Variants in INPP5A observed in about 807,000 individuals in gnomAD.
INPP5A encodes inositol polyphosphate-5-phosphatase A.
Under a neutral mutation model 65.2 loss-of-function variants are expected in INPP5A, and 14 were observed. That is an observed-to-expected ratio of 0.21 (90% confidence interval 0.14 to 0.34). The LOEUF is 0.34. Among genes scored for constraint, INPP5A ranks in the 10% least tolerant of loss-of-function variants. INPP5A has a pLI of 1.00. For missense variants in INPP5A, 431 were observed against 545.6 expected, an observed-to-expected ratio of 0.79 and a Z score of 2.09; for synonymous variants, 207 against 208.3, an observed-to-expected ratio of 0.99 and a Z score of 0.05.
Position 132,637,025 on chromosome 10 carries a change from C to T in INPP5A, c.118-8843C>T, listed in dbSNP as rs776247431. On this transcript the variant is annotated intron_variant, in intron 2 of 15. Coordinates refer to ENST00000368594, the MANE Select transcript of INPP5A (RefSeq NM_005539.5). The surrounding 1 kb of genome is among the most constrained non-coding windows in gnomAD (Gnocchi z 4.1). ...TTCCGCCTCCCGGGTTCAAGCGATT[C>T]TCCTGCCTCAGCCTCCCAAGTAGGT... Among the ~76,000 whole-genome samples, 1 of 152,210 alleles carries T rather than the reference C, an allele frequency of 6.6e-6. No individual in the cohort carries two copies. The highest frequency in any genetic ancestry group is 1.5e-5 in the Non-Finnish European group (1 of 68,046).
intron 1 of INPP5A, among the ~76,000 whole-genome samples, chr10:132,591,838 C>G (rs568628870): frequency 6.6e-6 from 1 of 152,308 alleles, no homozygotes; most frequent in Non-Finnish European, 1.5e-5. Context: ...CATTCCCTCC[C>G]CCGATATGTC....
intron 4 of INPP5A, among the ~76,000 whole-genome samples, chr10:132,654,582 G>A (rs2072626789): frequency 6.6e-6 from 1 of 152,206 alleles, no homozygotes; most frequent in South Asian, 2.1e-4. Flanking sequence ...CGGCCAGCCA[G>A]ACAATCACCC....
At chr10:132,752,094 T>TGTCTGGGTGGAGGCGGGTGACCAGGAGGC (rs1846495025) in intron 11 of INPP5A, among the ~76,000 whole-genome samples, 1 of 91,794 alleles carries the variant, frequency 1.1e-5, no homozygotes, top group Admixed American at 1.0e-4. Context: ...GCCCAGGAGG[T>TGTCTGGGTGGAGGCGGGTGACCAGGAGGC]GTCTGGGTGG....
rs369696455 is a variant in INPP5A at position 132,707,840 on chromosome 10, G to A, written c.475-473G>A. ...ACGGCATCGGTGGGTGAGAGGCATC[G>A]GTGGGTGGTGGGGATCAGTGAGAGA... On this transcript the variant is annotated intron_variant, in intron 6 of 15. Transcript: ENST00000368594. The surrounding 1 kb of genome is among the most constrained non-coding windows in gnomAD (Gnocchi z 5.5). Among the ~76,000 whole-genome samples, 25 of 152,266 alleles carry A rather than the reference G, an allele frequency of 1.6e-4. No individual in the cohort carries two copies. Among genetic ancestry groups the A allele is most frequent in the African/African-American group, 5.3e-4 (22 of 41,550 alleles).
chr10:132,625,747 G>A (rs1302643543), intron 2 of INPP5A, among the ~76,000 whole-genome samples: 1 of 152,112 alleles, frequency 6.6e-6, no homozygotes, highest in Non-Finnish European at 1.5e-5. Flanking sequence ...GGCATTGCAC[G>A]GAGCAGGGGG....
chr10:132,733,675 C>G (rs1019103083), intron 9 of INPP5A, among the ~76,000 whole-genome samples: 1 of 152,154 alleles, frequency 6.6e-6, no homozygotes, highest in Non-Finnish European at 1.5e-5. Flanking sequence ...GTTTGGGGAC[C>G]CCTCATACCG....
At position 132,751,475 on chromosome 10, in the gene INPP5A, C is replaced by T. The variant is rs150594656; in HGVS notation, c.903+1630C>T. 2.0e-4 allele frequency among the ~76,000 whole-genome samples: 30 copies of T among 152,370 alleles called. No homozygotes were observed. The East Asian group carries it at 5.8e-3, about 29-fold the overall frequency. ...TGGTGGGGCCGCCTGTCTGTGGCTC[C>T]CGCTGCCCCTCTCTGGCTCTGCCTG... On this transcript the variant is annotated intron_variant, in intron 11 of 15. Transcript: ENST00000368594.
In INPP5A at chr10:132,697,738, G is replaced by A. The variant is rs938171065; in HGVS notation, c.371-78G>A. The A allele has an allele frequency of 2.1e-5, 21 of 1,007,536 alleles. No individual in the cohort carries two copies. Among genetic ancestry groups the A allele is most frequent in the Admixed American group, 3.9e-5 (2 of 51,486 alleles). The allele number at this position is 1,007,536 out of a possible 1,614,324, so 62.4% of individuals were successfully genotyped here. ...GGCTCCCATCGGGCTGAAGTCGGGT[G>A]GAAACAGGTTGTGCTCCAGGCTGGT... On this transcript the variant is annotated intron_variant, in intron 5 of 15. Transcript: ENST00000368594. This position sits in a 1 kb window ranked among gnomAD's most constrained non-coding sequence, Gnocchi z 5.6.
chr10:132,553,204 T>C (rs1243580096), intron 1 of INPP5A, among the ~76,000 whole-genome samples: 8 of 73,458 alleles, frequency 1.1e-4, no homozygotes, highest in Admixed American at 1.3e-4. Context: ...GGAGGGAGGA[T>C]TGGTGAACGC....
intron 1 of INPP5A, among the ~76,000 whole-genome samples, chr10:132,565,667 ATG>A (rs962916838): frequency 2.0e-5 from 3 of 150,946 alleles, no homozygotes; most frequent in African/African-American, 7.3e-5. Context: ...ATGTGGGTCT[ATG>A]TGTGGGTGTG....
chr10:132,629,290 C>T (rs571247991), intron 2 of INPP5A, among the ~76,000 whole-genome samples: 1 of 152,188 alleles, frequency 6.6e-6, no homozygotes, highest in South Asian at 2.1e-4. Flanking sequence ...ACAGACTCCA[C>T]GTGAGGGAAC....
At chr10:132,744,362 C>T (rs114951316) in intron 9 of INPP5A, among the ~76,000 whole-genome samples, 5,882 of 152,256 alleles carry the variant, frequency 0.039, 376 homozygotes, top group African/African-American at 0.13. Context: ...CGCAGCAGAG[C>T]GGCCGCTGTC....
Position 132,727,120 on chromosome 10 carries a change from C to T in INPP5A, c.732+215C>T, listed in dbSNP as rs948389854. 4.1e-5 allele frequency: 17 copies of T among 416,152 alleles called. No individual in the cohort carries two copies. Among genetic ancestry groups the T allele is most frequent in the Admixed American group, 8.2e-5 (2 of 24,450 alleles). The allele number at this position is 416,152 out of a possible 1,614,324, so 25.8% of individuals were successfully genotyped here. A position where few individuals can be genotyped will look rare whatever the true frequency, so the allele number is the denominator to read the frequency against. On this transcript the variant is annotated intron_variant, in intron 9 of 15. Transcript: ENST00000368594. The surrounding 1 kb of genome is among the most constrained non-coding windows in gnomAD (Gnocchi z 6.5). ...GGTGCGCGGGCCCTCAAGGTTGCCC[C>T]GGATGGCGGGTGACAGTGCTGTGGG...
intron 2 of INPP5A, among the ~76,000 whole-genome samples, chr10:132,636,536 A>T (rs2072354735): frequency 6.6e-6 from 1 of 152,240 alleles, no homozygotes; most frequent in Admixed American, 6.5e-5. Context: ...AGCCCAAGCC[A>T]GCCTGCTGCA....
chr10:132,559,243 C>G (rs951113225), intron 1 of INPP5A, among the ~76,000 whole-genome samples: 7 of 152,236 alleles, frequency 4.6e-5, no homozygotes, highest in African/African-American at 1.7e-4. Flanking sequence ...CATCCCCTCT[C>G]CCCGGCCCTG....
chr10:132,655,338 G>A (rs1321099823), intron 4 of INPP5A, among the ~76,000 whole-genome samples: 1 of 149,398 alleles, frequency 6.7e-6, no homozygotes, highest in East Asian at 2.0e-4. Context: ...GTACCACGTT[G>A]GTACCCAGAG....
At chr10:132,548,686 GAACC>G (rs2071010685) in intron 1 of INPP5A, among the ~76,000 whole-genome samples, 1 of 151,944 alleles carries the variant, frequency 6.6e-6, no homozygotes. Flanking sequence ...ACTGTATCGT[GAACC>G]ACAGGCTGTG....
chr10:132,615,020 G>A (rs1372042819), intron 2 of INPP5A, among the ~76,000 whole-genome samples: 3 of 152,346 alleles, frequency 2.0e-5, no homozygotes, highest in East Asian at 1.9e-4. Context: ...ACGCCTTCCC[G>A]TGACGCGTCC....
intron 2 of INPP5A, among the ~76,000 whole-genome samples, chr10:132,643,852 C>T (rs1216044859): frequency 6.6e-6 from 1 of 152,146 alleles, no homozygotes; most frequent in African/African-American, 2.4e-5. Flanking sequence ...CTGACATCGC[C>T]TCCCACTCAC....
Sources: gnomAD v4.1 joint callset for allele counts (sites outside exome capture counted in the v4.1 genomes callset) on GRCh38, gnomAD v4.1.1 for gene constraint, Gnocchi (gnomAD v3.1) non-coding constraint, MANE v1.5 for transcripts, NCBI Gene and HGNC (gene_info 2026-07-23, HGNC 2026-07-21) for gene names.